Variants in NLGN1 observed in about 807,000 individuals in gnomAD.
The protein encoded by NLGN1 is neuroligin-1.
In NLGN1, 12 loss-of-function variants were observed where a neutral mutation model predicts 65.5. The ratio of observed to expected loss-of-function variants is 0.18; its 90% CI spans 0.12 to 0.30. The LOEUF is 0.30. Among genes scored for constraint, NLGN1 ranks in the 10% least tolerant of loss-of-function variants. The pLI is 1.00. For missense variants in NLGN1, 750 were observed against 1,007.1 expected (o/e 0.74, Z 3.46); for synonymous variants, 350 against 359.5 (o/e 0.97, Z 0.30).
intron 4 of NLGN1, among the ~76,000 whole-genome samples, chr3:174,177,043 G>A (rs112724538): frequency 0.015 from 2,296 of 149,668 alleles, 57 homozygotes; most frequent in African/African-American, 0.053. Context: ...TTTAAATAAG[G>A]CTATCATAAA....
chr3:174,100,219 A>G (rs993107577), intron 4 of NLGN1, among the ~76,000 whole-genome samples: 9 of 152,202 alleles, frequency 5.9e-5, no homozygotes, highest in African/African-American at 1.9e-4. Context: ...GCTATAGACA[A>G]CTAAGGAATC....
At chr3:173,457,898 T>A (rs1185972263) in intron 2 of NLGN1, among the ~76,000 whole-genome samples, 2 of 152,054 alleles carry the variant, frequency 1.3e-5, no homozygotes, top group African/African-American at 4.8e-5. Flanking sequence ...TTTGCATGCA[T>A]GTGTGTGGTG....
At chr3:173,991,249 T>TA (rs1325348548) in intron 4 of NLGN1, among the ~76,000 whole-genome samples, 5 of 152,148 alleles carry the variant, frequency 3.3e-5, no homozygotes, top group African/African-American at 4.8e-5. Flanking sequence ...TTTGAAATGT[T>TA]AAAAAACCTT....
At chr3:174,075,019 C>G (rs1309541924) in intron 4 of NLGN1, among the ~76,000 whole-genome samples, 23 of 152,126 alleles carry the variant, frequency 1.5e-4, no homozygotes, top group Admixed American at 1.5e-3. Context: ...CCAATACATT[C>G]CTGATTCTAG....
At chr3:173,480,730 A>G (rs994768137) in intron 2 of NLGN1, among the ~76,000 whole-genome samples, 1 of 152,076 alleles carries the variant, frequency 6.6e-6, no homozygotes, top group African/African-American at 2.4e-5. Flanking sequence ...CAATTAGTCA[A>G]TCACTTGTCT....
chr3:173,405,105 A>G (rs529660982), intron 1 of NLGN1, among the ~76,000 whole-genome samples: 5 of 152,054 alleles, frequency 3.3e-5, no homozygotes, highest in Non-Finnish European at 7.4e-5. Flanking sequence ...TCATTTTTTG[A>G]CTCATTCATA....
intron 4 of NLGN1, among the ~76,000 whole-genome samples, chr3:174,140,929 G>T (rs1722168744): frequency 6.6e-6 from 1 of 152,068 alleles, no homozygotes; most frequent in Non-Finnish European, 1.5e-5. Flanking sequence ...GGGAATTGAT[G>T]TTAGAAATTT....
chr3:174,156,608 T>C (rs555594542), intron 4 of NLGN1, among the ~76,000 whole-genome samples: 3 of 151,902 alleles, frequency 2.0e-5, no homozygotes, highest in African/African-American at 7.2e-5. Context: ...TTAAGAATGA[T>C]ATGAATTTTA....
intron 3 of NLGN1, among the ~76,000 whole-genome samples, chr3:173,642,308 T>C (rs1757538721): frequency 6.6e-6 from 1 of 152,018 alleles, no homozygotes; most frequent in Admixed American, 6.6e-5. Context: ...CAGACTACAC[T>C]ATAGGAAAGA....
chr3:173,776,404 T>G (rs1243038209), intron 3 of NLGN1, among the ~76,000 whole-genome samples: 1 of 152,052 alleles, frequency 6.6e-6, no homozygotes, highest in African/African-American at 2.4e-5. Flanking sequence ...GCTTTGTTCC[T>G]CTCTCATTTT....
At chr3:174,074,839 A>G (rs2152539509) in intron 4 of NLGN1, among the ~76,000 whole-genome samples, 2 of 152,324 alleles carry the variant, frequency 1.3e-5, no homozygotes, top group East Asian at 3.9e-4. Flanking sequence ...AGTCCGTTAC[A>G]CAGTCTTGCC....
chr3:173,882,377 C>T (rs2150933952), intron 4 of NLGN1, among the ~76,000 whole-genome samples: 1 of 152,264 alleles, frequency 6.6e-6, no homozygotes, highest in East Asian at 1.9e-4. Context: ...TGGTCATTGA[C>T]TTCTATTTAG....
chr3:174,287,992 A>G (rs1213821017), downstream of NLGN1, among the ~76,000 whole-genome samples: 1 of 151,556 alleles, frequency 6.6e-6, no homozygotes, highest in East Asian at 2.0e-4. Context: ...AGGCAACATA[A>G]TGGGTGTTAA....
intron 2 of NLGN1, among the ~76,000 whole-genome samples, chr3:173,562,356 C>G (rs1742877728): frequency 6.6e-6 from 1 of 152,126 alleles, no homozygotes; most frequent in Admixed American, 6.5e-5. Flanking sequence ...ATCATGAGAT[C>G]AGGAGATCGA....
At chr3:173,823,202 C>A (rs1407221975) in intron 4 of NLGN1, among the ~76,000 whole-genome samples, 2 of 151,988 alleles carry the variant, frequency 1.3e-5, no homozygotes, top group Non-Finnish European at 2.9e-5. Flanking sequence ...TGAGTCTGTT[C>A]TTTTAAATGT....
At chr3:173,448,890 T>C (rs1720916337) in intron 2 of NLGN1, among the ~76,000 whole-genome samples, 1 of 152,254 alleles carries the variant, frequency 6.6e-6, no homozygotes, top group African/African-American at 2.4e-5. Flanking sequence ...TTTGTATTTC[T>C]GTGGGATCAG....
chr3:173,751,536 AC>A (rs1195950543), intron 3 of NLGN1, among the ~76,000 whole-genome samples: 1 of 152,060 alleles, frequency 6.6e-6, no homozygotes, highest in Non-Finnish European at 1.5e-5. Context: ...ACTCACTCAA[AC>A]AGGCCTTAAG....
intron 4 of NLGN1, among the ~76,000 whole-genome samples, chr3:174,232,314 G>A (rs550507765): frequency 2.0e-5 from 3 of 152,206 alleles, no homozygotes; most frequent in East Asian, 1.9e-4. Context: ...GTGAAGGCAG[G>A]AACAGGCCAT....
chr3:174,067,311 G>T (rs1274183595), intron 4 of NLGN1, among the ~76,000 whole-genome samples: 1 of 151,794 alleles, frequency 6.6e-6, no homozygotes, highest in Non-Finnish European at 1.5e-5. Flanking sequence ...TATTTGAGGG[G>T]GTATATTTTT....
Sources: allele counts gnomAD v4.1 joint callset (sites outside exome capture counted in the v4.1 genomes callset), GRCh38; gene constraint gnomAD v4.1.1; transcripts MANE v1.5; gene names NCBI Gene and HGNC (gene_info 2026-07-23, HGNC 2026-07-21).